ROS1: variants seen among roughly 807,000 people sequenced by gnomAD.
The protein encoded by ROS1 is proto-oncogene tyrosine-protein kinase ROS.
Under a neutral mutation model 273.5 loss-of-function variants are expected in ROS1, and 263 were observed. The ratio of observed to expected loss-of-function variants is 0.96; its 90% confidence interval spans 0.87 to 1.06. The LOEUF (loss-of-function observed/expected upper bound fraction) is 1.06, where lower values mean the gene tolerates loss of function less well. ROS1 is among the 50% of genes least tolerant of loss of function. The pLI is 0.00. For synonymous variants in ROS1, 1,008 were observed against 954.1 expected, an observed-to-expected ratio of 1.06 and a Z score of -1.04; for missense variants, 2,833 against 2,751.1, an observed-to-expected ratio of 1.03 and a Z score of -0.67.
intron 43 of ROS1, among the ~76,000 whole-genome samples, chr6:117,297,313 T>C (rs1774320180): frequency 6.6e-6 from 1 of 152,058 alleles, no homozygotes; most frequent in Admixed American, 6.6e-5. Context: ...TCTAGGCAAA[T>C]AATTCATGAC....
At position 117,301,007 on chromosome 6, in the gene ROS1, T is replaced by C. The variant is rs1053611030; in HGVS notation, c.6682A>G (p.Asn2228Asp). 3 of 1,589,302 alleles carry C rather than the reference T, an allele frequency of 1.9e-6. No homozygotes were observed. The highest frequency in any genetic ancestry group is 2.6e-6 in the Non-Finnish European group (3 of 1,170,880). Reference protein sequence around the residue: ...NSIYKSRDEANNSGVINESFE... With the variant: ...NSIYKSRDEADNSGVINESFE... The stretch of plus-strand genomic sequence containing the variant: ...CTTTCATTTATGACTCCACTGTTGT[T>C]TGCTTCATCTCTGGACTTATAAATG... Residue 2228 changes from asparagine to aspartate, a missense_variant, in exon 43 of 44, where the codon AAC (asparagine) becomes GAC (aspartate). Physicochemically the swap from Asn to Asp is conservative, Grantham distance 23. Transcript: ENST00000368507.
intron 43 of ROS1, among the ~76,000 whole-genome samples, chr6:117,298,715 GC>G (rs2128532768): frequency 6.6e-6 from 1 of 152,200 alleles, no homozygotes; most frequent in African/African-American, 2.4e-5. Context: ...ACTAAACTTG[GC>G]AAACAAAATT....
Position 117,288,137 on chromosome 6 carries a change from T to C in ROS1, c.*355A>G, listed in dbSNP as rs1331748046. ...TCGCTGAACACACCTATTCTGTCTC[T>C]AAACATGTGGCCAAGATATTTTTAT... On this transcript the variant is annotated 3_prime_UTR_variant, in exon 44 of 44. Transcript: ENST00000368507. 6.6e-6 allele frequency among the ~76,000 whole-genome samples: 1 copy of C among 152,150 alleles called. No homozygotes were observed. The highest frequency in any genetic ancestry group is 6.5e-5 in the Admixed American group (1 of 15,284).
At chr6:117,303,597 G>C (rs956351604) in intron 42 of ROS1, among the ~76,000 whole-genome samples, 1 of 152,140 alleles carries the variant, frequency 6.6e-6, no homozygotes, top group Non-Finnish European at 1.5e-5. Context: ...GAGATCAGAG[G>C]AGGGAAGCGA....
rs1274640878 is a variant in ROS1, at chr6:117,288,633, A to G, written c.6885T>C (p.Gly2295=). The G allele has an allele frequency of 2.5e-6, 4 of 1,614,058 alleles. No individual in the cohort carries two copies. In the East Asian group the frequency reaches 6.7e-5, roughly 27 times the overall value. ...GTGGTTCCTTCTCTTCTTTCCTCAG[A>G]CCACAAGATTCAGATTCCTGGGAGC... The part of the protein sequence containing the change: ...PLGSQESESC[G]LRKEEKEPHA... The change falls in exon 44 of 44, where the codon GGT becomes GGC. Residue 2295 remains glycine, a synonymous_variant. Transcript: ENST00000368507.
At chr6:117,335,226 A>T (rs1294524354) in intron 32 of ROS1, among the ~76,000 whole-genome samples, 1 of 152,170 alleles carries the variant, frequency 6.6e-6, no homozygotes, top group Admixed American at 6.6e-5. Flanking sequence ...GCAGCCAATA[A>T]ACGTATGAAA....
chr6:117,375,873 G>C (rs1475855699), intron 18 of ROS1, among the ~76,000 whole-genome samples: 1 of 152,020 alleles, frequency 6.6e-6, no homozygotes, highest in African/African-American at 2.4e-5. Flanking sequence ...ATCATAGTTG[G>C]AGACATACCA....
chr6:117,380,622 A>G (rs551553552), intron 17 of ROS1, among the ~76,000 whole-genome samples: 3 of 152,124 alleles, frequency 2.0e-5, no homozygotes, highest in East Asian at 3.9e-4. Context: ...AGATTCTACA[A>G]TTTTTTGCTG....
rs1774684670 is a variant in ROS1 at position 117,301,074 on chromosome 6, A to G, written c.6615T>C (p.Ile2205=). The change falls in exon 43 of 44, where the codon ATT becomes ATC. Residue 2205 remains isoleucine (I), a synonymous_variant. Transcript: ENST00000368507. The part of the protein sequence containing the change: ...EPDQRPTFHR[I]QDQLQLFRNF... ...TTCTGAATAACTGAAGTTGGTCCTG[A>G]ATTCTATGAAAAGTAGGTCTTTGGT... 1 of 1,605,182 alleles carries G rather than the reference A, an allele frequency of 6.2e-7. No individual in the cohort carries two copies.
At chr6:117,350,687 C>CT (rs548987983) in intron 27 of ROS1, among the ~76,000 whole-genome samples, 41,216 of 129,962 alleles carry the variant, frequency 0.32, 6,632 homozygotes, top group Non-Finnish European at 0.37. Flanking sequence ...GGTTTTTTTC[C>CT]TTTTTTTTTT....
intron 12 of ROS1, among the ~76,000 whole-genome samples, chr6:117,391,679 G>A (rs574394818): frequency 3.9e-5 from 6 of 152,236 alleles, no homozygotes; most frequent in East Asian, 3.9e-4. Flanking sequence ...CTCCTATCAT[G>A]GTATAGAGAG....
At chr6:117,333,485 C>A (rs1777244960) in intron 32 of ROS1, among the ~76,000 whole-genome samples, 1 of 152,186 alleles carries the variant, frequency 6.6e-6, no homozygotes, top group South Asian at 2.1e-4. Flanking sequence ...TCCTTCCTAA[C>A]TCATTTTATG....
intron 8 of ROS1, among the ~76,000 whole-genome samples, chr6:117,396,548 C>T (rs769211318): frequency 6.6e-6 from 1 of 152,084 alleles, no homozygotes; most frequent in African/African-American, 2.4e-5. Flanking sequence ...GATAGAAAAG[C>T]TAACAATAAT....
At chr6:117,385,153 A>G (rs1256213882) in intron 16 of ROS1, among the ~76,000 whole-genome samples, 1 of 152,234 alleles carries the variant, frequency 6.6e-6, no homozygotes, top group Non-Finnish European at 1.5e-5. Flanking sequence ...CCAAGAACCA[A>G]CGCTCAGGTG....
chr6:117,294,569 C>G (rs1327818503), intron 43 of ROS1, among the ~76,000 whole-genome samples: 1 of 152,066 alleles, frequency 6.6e-6, no homozygotes, highest in Non-Finnish European at 1.5e-5. Context: ...TTAGCGTGCT[C>G]TTATCATTGA....
chr6:117,346,662 T>A (rs1304363082), intron 27 of ROS1, among the ~76,000 whole-genome samples: 1 of 152,088 alleles, frequency 6.6e-6, no homozygotes, highest in Non-Finnish European at 1.5e-5. Context: ...ATACTCCTTT[T>A]CTCCACACAT....
intron 39 of ROS1, among the ~76,000 whole-genome samples, chr6:117,315,708 A>G (rs949927584): frequency 2.0e-5 from 3 of 152,166 alleles, no homozygotes; most frequent in Non-Finnish European, 2.9e-5. Flanking sequence ...AAAACAAACA[A>G]AAAGTCATGA....
chr6:117,325,187 G>A (rs1389907396), intron 34 of ROS1, among the ~76,000 whole-genome samples: 1 of 152,090 alleles, frequency 6.6e-6, no homozygotes, highest in Non-Finnish European at 1.5e-5. Flanking sequence ...TAGCATGTGA[G>A]TGTATAAAAT....
At chr6:117,332,363 C>T (rs993134631) in intron 32 of ROS1, among the ~76,000 whole-genome samples, 2 of 152,166 alleles carry the variant, frequency 1.3e-5, no homozygotes, top group Non-Finnish European at 2.9e-5. Context: ...TAGAGACCTA[C>T]AAAGAGACTT....
Sources: allele counts gnomAD v4.1 joint callset (sites outside exome capture counted in the v4.1 genomes callset), GRCh38; gene constraint gnomAD v4.1.1; transcripts MANE v1.5; gene names NCBI Gene and HGNC (gene_info 2026-07-23, HGNC 2026-07-21).